The following ZNF790 variants were observed in gnomAD, a reference collection of about 807,000 sequenced individuals.
ZNF790 encodes the protein zinc finger protein 790.
ZNF790 carries 8 observed loss-of-function variants against 12.1 expected under a neutral mutation model. The observed-to-expected ratio is 0.66, with a 90% CI of 0.39 to 1.19. ZNF790 has a LOEUF of 1.19. Ranked by LOEUF, ZNF790 falls within the 50% of genes most tolerant of loss-of-function variation. The pLI is 0.01. For synonymous variants in ZNF790, 252 were observed against 244.3 expected (o/e 1.03, Z -0.29); for missense variants, 707 against 752.2 (o/e 0.94, Z 0.70).
At chr19:36,849,973 C>G (rs909838006) in intron 1 of ZNF790, 1 of 152,632 alleles carries the variant, frequency 6.6e-6, no homozygotes, top group Non-Finnish European at 1.5e-5. Context: ...GTCTCACACA[C>G]ACTCGAGCCT....
At chr19:36,848,961 T>C (rs1315721213) in intron 1 of ZNF790, among the ~76,000 whole-genome samples, 2 of 152,098 alleles carry the variant, frequency 1.3e-5, no homozygotes, top group Non-Finnish European at 2.9e-5. Flanking sequence ...GCCCAGCTAA[T>C]TTTGTATTTT....
intron 1 of ZNF790, among the ~76,000 whole-genome samples, chr19:36,833,067 A>G (rs1014919901): frequency 6.6e-6 from 1 of 152,228 alleles, no homozygotes; most frequent in African/African-American, 2.4e-5. Flanking sequence ...GGAAATTTAA[A>G]ATGACAGCAC....
At chr19:36,850,258 T>G (rs913031010) in exon 1 of ZNF790, 5 of 152,268 alleles carry the variant, frequency 3.3e-5, no homozygotes, top group African/African-American at 1.2e-4. Flanking sequence ...TGGGCCCATC[T>G]ATCCCCGGCG....
chr19:36,840,041 C>T (rs907524668), upstream of ZNF790, among the ~76,000 whole-genome samples: 5 of 151,932 alleles, frequency 3.3e-5, no homozygotes, highest in South Asian at 4.2e-4. Flanking sequence ...CCAGTCTGGG[C>T]GACAAGAGCG....
At chr19:36,823,165 C>T in intron 4 of ZNF790, 120 bp downstream of exon 4, 1 of 821,830 alleles carries the variant, frequency 1.2e-6, no homozygotes, top group East Asian at 2.7e-5. Context: ...ACACCCGGCC[C>T]ATTTTTTGGT....
intron 1 of ZNF790, among the ~76,000 whole-genome samples, chr19:36,848,947 C>T (rs1304704244): frequency 6.6e-6 from 1 of 152,176 alleles, no homozygotes; most frequent in African/African-American, 2.4e-5. Flanking sequence ...GTGCACACCA[C>T]CACGCCCAGC....
At chr19:36,842,169 C>A (rs1324809671), upstream of ZNF790, among the ~76,000 whole-genome samples, 1 of 152,110 alleles carries the variant, frequency 6.6e-6, no homozygotes, top group Non-Finnish European at 1.5e-5. Context: ...TGAAGTAACA[C>A]CGTTAAGGAG....
rs567846485 is a variant in ZNF790 at position 36,819,923 on chromosome 19, C to G, written c.421G>C (p.Val141Leu). 16 of 1,614,120 alleles carry G rather than the reference C, an allele frequency of 9.9e-6. No homozygotes were observed. The African/African-American group carries it at 1.3e-4, about 13-fold the overall frequency. The change falls in exon 5 of 5, where the codon GTG becomes CTG. Residue 141 changes from valine to leucine, a missense_variant. Coordinates refer to ENST00000356725, the MANE Select transcript of ZNF790 (RefSeq NM_206894.4). ...QDNQEECFKQ[V>L]IRTCEKRPTF... ...GGCCTTTTTTCACAGGTGCGTATCA[C>G]CTGCTTGAAGCATTCCTCTTGATTA... is the stretch of plus-strand genomic sequence containing the variant.
chr19:36,840,350 C>T (rs1409142187), upstream of ZNF790, among the ~76,000 whole-genome samples: 3 of 152,100 alleles, frequency 2.0e-5, no homozygotes, highest in African/African-American at 7.2e-5. Context: ...AAGAAAAAAG[C>T]GCATGGGGCA....
chr19:36,826,808 T>C (rs1240214881), intron 1 of ZNF790, among the ~76,000 whole-genome samples: 1 of 150,556 alleles, frequency 6.6e-6, no homozygotes, highest in East Asian at 2.0e-4. Context: ...AGGAGCCAAC[T>C]AGTTCTAAGG....
intron 4 of ZNF790, 89 bp from the exon 5 acceptor site, chr19:36,820,203 A>C (rs561457810): frequency 7.2e-7 from 1 of 1,395,194 alleles, no homozygotes; most frequent in African/African-American, 1.4e-5. Flanking sequence ...TCTTGAAGTA[A>C]AGCATATGAG....
chr19:36,838,254 A>T lies in ZNF790; in HGVS notation c.-74+83T>A, dbSNP rs1352327600. ...CCTCGCCGGCAAAGCCACCAACTCC[A>T]AAGACATTAGCACCTCACTCCCCTC... On this transcript the variant is annotated intron_variant, in intron 1 of 4. Transcript: ENST00000356725. The surrounding 1 kb of genome is among the most constrained non-coding windows in gnomAD (Gnocchi z 4.4). The T allele has an allele frequency of 6.6e-6, 1 of 152,400 alleles. No homozygotes were observed. The highest frequency in any genetic ancestry group is 1.5e-5 in the Non-Finnish European group (1 of 68,246). 9.4% of individuals were successfully genotyped at this position (152,400 alleles called of 1,614,324 possible).
intron 1 of ZNF790, among the ~76,000 whole-genome samples, chr19:36,829,693 G>A (rs565088415): frequency 2.6e-5 from 4 of 152,186 alleles, no homozygotes; most frequent in East Asian, 1.9e-4. Flanking sequence ...TCAGCCTCCC[G>A]AGTAGCTGGG....
intron 3 of ZNF790, 98 bp from the exon 4 acceptor site, chr19:36,823,478 C>G: frequency 8.3e-6 from 11 of 1,318,600 alleles, no homozygotes; most frequent in Non-Finnish European, 9.5e-6. Flanking sequence ...CAATTACAGG[C>G]AGGACAAAAA....
In ZNF790 at chr19:36,819,180, A is replaced by T. The variant is rs746382511; in HGVS notation, c.1164T>A (p.His388Gln). 3 of 1,614,128 alleles carry T rather than the reference A, an allele frequency of 1.9e-6. No individual in the cohort carries two copies. In the Admixed American group the frequency reaches 5.0e-5, roughly 27 times the overall value. The change falls in exon 5 of 5, where the codon CAT becomes CAA. Residue 388 changes from histidine to glutamine, a missense_variant. Transcript: ENST00000356725. ...CACATTTATAAGGTTTCCTACCAACATGAACATTCTGATGTTGAGCAAGAT... is the reference window on the plus strand; with the variant it reads ...CACATTTATAAGGTTTCCTACCAACTTGAACATTCTGATGTTGAGCAAGAT... ...GSNLAQHQNV[H>Q]VGRKPYKCEK...
Position 36,846,708 on chromosome 19 carries a change from G to A in ZNF790, c.-74+3294C>T, listed in dbSNP as rs1387044067. 2.6e-5 allele frequency among the ~76,000 whole-genome samples: 4 copies of A among 152,198 alleles called. No homozygotes were observed. In the East Asian group the frequency reaches 7.7e-4, roughly 29 times the overall value. On this transcript the variant is annotated intron_variant, in intron 1 of 4. Coordinates refer to the ZNF790 transcript ENST00000528994. ...GAAGGTAAATACTTACATAGCCTCT[G>A]TGTTCTAACTGCATTTCCTTAGATT...
chr19:36,844,606 A>G (rs1452650114), intron 1 of ZNF790, among the ~76,000 whole-genome samples: 4 of 151,802 alleles, frequency 2.6e-5, no homozygotes, highest in Non-Finnish European at 5.9e-5. Flanking sequence ...CACAGCAACC[A>G]TAGATTCAAG....
chr19:36,818,878 C>G lies in ZNF790; in HGVS notation c.1466G>C (p.Arg489Pro), dbSNP rs755241917. The G allele has an allele frequency of 1.2e-6, 2 of 1,612,506 alleles. No homozygotes were observed. The highest frequency in any genetic ancestry group is 1.7e-6 in the Non-Finnish European group (2 of 1,179,626). The part of the protein sequence containing the change: ...ECKECGKTFF[R>P]GSELNRHQKI... ...CTGGTGTCGATTAAGTTCTGAACCA[C>G]GAAAAAAGGTCTTTCCACATTCCTT... The change falls in exon 5 of 5, where the codon CGT (arginine) becomes CCT (proline). Residue 489 changes from arginine to proline, a missense_variant. Transcript: ENST00000356725.
intron 1 of ZNF790, among the ~76,000 whole-genome samples, chr19:36,827,192 A>G (rs949687583): frequency 2.7e-4 from 38 of 142,340 alleles, no homozygotes; most frequent in African/African-American, 9.7e-4. Context: ...TTACCAAACT[A>G]TAAGCATTCA....
Sources: gnomAD v4.1 joint callset for allele counts (sites outside exome capture counted in the v4.1 genomes callset) on GRCh38, gnomAD v4.1.1 for gene constraint, Gnocchi (gnomAD v3.1) non-coding constraint, MANE v1.5 for transcripts, NCBI Gene and HGNC (gene_info 2026-07-23, HGNC 2026-07-21) for gene names.